Variants in FARS2 observed in about 807,000 individuals in gnomAD.
FARS2 encodes phenylalanine--tRNA ligase, mitochondrial.
Under a neutral mutation model 46.4 loss-of-function variants are expected in FARS2, and 40 were observed. The observed-to-expected ratio is 0.86, with a 90% CI of 0.67 to 1.12. FARS2 has a LOEUF of 1.12. Among genes scored for constraint, FARS2 ranks in the 50% most tolerant of loss-of-function variants. FARS2 has a pLI of 0.00. For synonymous variants in FARS2, 234 were observed against 214.9 expected (o/e 1.09, Z -0.78); for missense variants, 513 against 567.9 (o/e 0.90, Z 0.98).
chr6:5,272,542 A>G (rs978900317), intron 1 of FARS2: 2 of 152,114 alleles, frequency 1.3e-5, no homozygotes, highest in Non-Finnish European at 2.9e-5. Flanking sequence ...TTATTGATAC[A>G]TAATAGATGT....
intron 2 of FARS2, among the ~76,000 whole-genome samples, chr6:5,377,273 A>G (rs1298542385): frequency 1.3e-5 from 2 of 152,232 alleles, no homozygotes; most frequent in Non-Finnish European, 2.9e-5. Flanking sequence ...GTGTTTCACC[A>G]GATGCACACT....
chr6:5,317,119 C>T (rs1444968835), intron 1 of FARS2, among the ~76,000 whole-genome samples: 1 of 152,190 alleles, frequency 6.6e-6, no homozygotes, highest in African/African-American at 2.4e-5. Context: ...GGAGACCAAA[C>T]AAGAATACTG....
chr6:5,748,962 A>G (rs1436351104), intron 6 of FARS2, among the ~76,000 whole-genome samples: 1 of 152,226 alleles, frequency 6.6e-6, no homozygotes, highest in Non-Finnish European at 1.5e-5. Context: ...CGAAGATCAA[A>G]TGTTCATTAC....
At chr6:5,275,927 A>G (rs1248720238) in intron 1 of FARS2, among the ~76,000 whole-genome samples, 2 of 152,108 alleles carry the variant, frequency 1.3e-5, no homozygotes, top group South Asian at 2.1e-4. Flanking sequence ...TGCTGGCACT[A>G]TTTTTATATA....
chr6:5,365,599 G>A (rs1053695354), intron 1 of FARS2, among the ~76,000 whole-genome samples: 2 of 141,340 alleles, frequency 1.4e-5, no homozygotes, highest in Non-Finnish European at 3.0e-5. Flanking sequence ...TGATCCTTTC[G>A]CCTTGGCCTT....
intron 2 of FARS2, among the ~76,000 whole-genome samples, chr6:5,382,255 A>G (rs1327410328): frequency 6.6e-6 from 1 of 152,222 alleles, no homozygotes; most frequent in Admixed American, 6.5e-5. Context: ...AACCTTCTCC[A>G]GGGTGATGCT....
intron 6 of FARS2, among the ~76,000 whole-genome samples, chr6:5,733,210 A>AT (rs1760748181): frequency 1.3e-5 from 2 of 152,216 alleles, no homozygotes; most frequent in South Asian, 4.1e-4. Flanking sequence ...TTCTTGATGA[A>AT]TACTGCCATC....
chr6:5,276,249 T>C (rs537816919), intron 1 of FARS2, among the ~76,000 whole-genome samples: 3 of 152,348 alleles, frequency 2.0e-5, no homozygotes, highest in Admixed American at 6.5e-5. Context: ...GAAATGAGTG[T>C]AAATGCTGTA....
chr6:5,529,394 G>A (rs367868387), intron 4 of FARS2, among the ~76,000 whole-genome samples: 7 of 152,176 alleles, frequency 4.6e-5, no homozygotes, highest in Admixed American at 3.3e-4. Context: ...TGCAACCTCC[G>A]CCTCCTGGGT....
At chr6:5,746,228 C>T (rs548284528) in intron 6 of FARS2, among the ~76,000 whole-genome samples, 1 of 152,292 alleles carries the variant, frequency 6.6e-6, no homozygotes, top group East Asian at 1.9e-4. Flanking sequence ...TAGGAGCAGT[C>T]AGAACCTGCC....
At chr6:5,386,114 G>A (rs994525412) in intron 2 of FARS2, among the ~76,000 whole-genome samples, 21 of 152,298 alleles carry the variant, frequency 1.4e-4, no homozygotes, top group African/African-American at 4.8e-4. Context: ...GTCAAGGCAC[G>A]GAAGAGGGAG....
At chr6:5,748,248 TG>T (rs902932002) in intron 6 of FARS2, among the ~76,000 whole-genome samples, 1 of 152,198 alleles carries the variant, frequency 6.6e-6, no homozygotes, top group Non-Finnish European at 1.5e-5. Context: ...CCTTTCTTTG[TG>T]GTTGGCCAAG....
At chr6:5,640,965 C>T (rs1776787603) in intron 6 of FARS2, among the ~76,000 whole-genome samples, 1 of 152,184 alleles carries the variant, frequency 6.6e-6, no homozygotes, top group Non-Finnish European at 1.5e-5. Context: ...ATTGATTTTG[C>T]CTCAGTTTCT....
chr6:5,477,880 C>G (rs577501767), intron 4 of FARS2, among the ~76,000 whole-genome samples: 1 of 151,704 alleles, frequency 6.6e-6, no homozygotes, highest in Non-Finnish European at 1.5e-5. Context: ...ATGAGCTGGG[C>G]GTGGTGGTGT....
intron 6 of FARS2, among the ~76,000 whole-genome samples, chr6:5,743,912 T>C (rs1761492473): frequency 6.6e-6 from 1 of 152,250 alleles, no homozygotes. Context: ...ATCACATATG[T>C]GTGTGTCACA....
intron 6 of FARS2, among the ~76,000 whole-genome samples, chr6:5,620,676 C>T (rs1252295660): frequency 2.0e-5 from 3 of 152,226 alleles, no homozygotes; most frequent in Non-Finnish European, 1.5e-5. Flanking sequence ...CACCTGGGCC[C>T]CGAGTCCACA....
intron 5 of FARS2, among the ~76,000 whole-genome samples, chr6:5,603,379 A>G (rs1774651840): frequency 6.6e-6 from 1 of 152,168 alleles, no homozygotes; most frequent in African/African-American, 2.4e-5. Context: ...CAAAGTTGCA[A>G]GCTCCCACCC....
chr6:5,451,336 T>G (rs973986048), intron 4 of FARS2, among the ~76,000 whole-genome samples: 1 of 152,152 alleles, frequency 6.6e-6, no homozygotes, highest in Non-Finnish European at 1.5e-5. Context: ...CTGTATGTGT[T>G]TACATAGAAT....
At chr6:5,301,802 T>TACACAC (rs143654686) in intron 1 of FARS2, among the ~76,000 whole-genome samples, 5,373 of 132,352 alleles carry the variant, frequency 0.041, 161 homozygotes, top group East Asian at 0.12. Flanking sequence ...CACACACACA[T>TACACAC]ACACACACAC....
Sources: allele counts gnomAD v4.1 joint callset (sites outside exome capture counted in the v4.1 genomes callset), GRCh38; gene constraint gnomAD v4.1.1; transcripts MANE v1.5; gene names NCBI Gene and HGNC (gene_info 2026-07-23, HGNC 2026-07-21).